The following MDFIC2 variants were observed in gnomAD, a reference collection of about 807,000 sequenced individuals.
MDFIC2 encodes myoD family inhibitor domain-containing protein 2.
chr3:70,207,404 A>G (rs929740458), intron 2 of MDFIC2, among the ~76,000 whole-genome samples: 1 of 152,048 alleles, frequency 6.6e-6, no homozygotes, highest in Non-Finnish European at 1.5e-5. Flanking sequence ...TCTTGGGAAC[A>G]TGCTTTATTT....
At chr3:70,283,994 C>T (rs1051847523) in intron 2 of MDFIC2, 6 of 152,078 alleles carry the variant, frequency 3.9e-5, no homozygotes, top group African/African-American at 1.4e-4. Context: ...TACTGTCATA[C>T]AGAAGGGGTT....
At chr3:70,207,884 A>G (rs1420613800) in intron 2 of MDFIC2, among the ~76,000 whole-genome samples, 1 of 151,998 alleles carries the variant, frequency 6.6e-6, no homozygotes, top group African/African-American at 2.4e-5. Flanking sequence ...GGACAACTGT[A>G]TGCATTCTCC....
At chr3:70,302,720 G>C (rs1702363127) in intron 2 of MDFIC2, 1 of 152,148 alleles carries the variant, frequency 6.6e-6, no homozygotes, top group Non-Finnish European at 1.5e-5. Flanking sequence ...TTGATGTACT[G>C]CCTTATCATC....
chr3:70,287,418 A>T (rs1347285958), intron 2 of MDFIC2, among the ~76,000 whole-genome samples: 1 of 151,616 alleles, frequency 6.6e-6, no homozygotes, highest in Non-Finnish European at 1.5e-5. Flanking sequence ...CCACTTGATC[A>T]TGGTGGATAA....
chr3:70,201,451 T>C (rs1433698214), intron 3 of MDFIC2, among the ~76,000 whole-genome samples: 1 of 152,196 alleles, frequency 6.6e-6, no homozygotes, highest in African/African-American at 2.4e-5. Flanking sequence ...CTATCATTGA[T>C]GGACATTTAG....
intron 2 of MDFIC2, among the ~76,000 whole-genome samples, chr3:70,264,580 C>T (rs1701898489): frequency 6.6e-6 from 1 of 152,194 alleles, no homozygotes; most frequent in South Asian, 2.1e-4. Flanking sequence ...CAAACAGTTG[C>T]TGGCATCAGG....
chr3:70,271,034 A>C (rs1701971548), intron 2 of MDFIC2, among the ~76,000 whole-genome samples: 1 of 152,198 alleles, frequency 6.6e-6, no homozygotes, highest in Admixed American at 6.5e-5. Flanking sequence ...CAAGTATAAT[A>C]ATAAAAAAGA....
At chr3:70,279,576 C>G (rs2106679963) in intron 2 of MDFIC2, among the ~76,000 whole-genome samples, 1 of 152,274 alleles carries the variant, frequency 6.6e-6, no homozygotes, top group African/African-American at 2.4e-5. Context: ...TCTTGATGAG[C>G]TCCCAGTCCA....
chr3:70,218,157 G>A (rs1048850670), intron 2 of MDFIC2, among the ~76,000 whole-genome samples: 1 of 152,234 alleles, frequency 6.6e-6, no homozygotes, highest in African/African-American at 2.4e-5. Context: ...TTAGCCCAGT[G>A]GTCTCCAAAG....
chr3:70,239,291 A>C (rs1701642428), intron 2 of MDFIC2, among the ~76,000 whole-genome samples: 2 of 142,128 alleles, frequency 1.4e-5, no homozygotes, highest in African/African-American at 5.0e-5. Flanking sequence ...AATGGTTTTC[A>C]CAGTTTCTTT....
chr3:70,267,585 T>TTA (rs1559549288), intron 2 of MDFIC2, among the ~76,000 whole-genome samples: 1 of 146,756 alleles, frequency 6.8e-6, no homozygotes, highest in Admixed American at 6.7e-5. Context: ...TGTATTTTTT[T>TTA]TTTTTTTTTT....
chr3:70,196,543 A>C lies in MDFIC2; in HGVS notation c.*383T>G, dbSNP rs1701182718. The stretch of plus-strand genomic sequence containing the variant: ...ACGAGCTAATGTATGTCAATTCTAA[A>C]AGAATGCACTAATTTGTCCTGAATT... On this transcript the variant is annotated 3_prime_UTR_variant, in exon 4 of 4. Transcript: ENST00000567252. Among the ~76,000 whole-genome samples, 1 of 152,218 alleles carries C rather than the reference A, an allele frequency of 6.6e-6. No homozygotes were observed. The highest frequency in any genetic ancestry group is 2.1e-4 in the South Asian group (1 of 4,836).
chr3:70,237,352 A>T (rs550424597), intron 2 of MDFIC2, among the ~76,000 whole-genome samples: 1 of 152,158 alleles, frequency 6.6e-6, no homozygotes, highest in Non-Finnish European at 1.5e-5. Flanking sequence ...TTTATTTCCC[A>T]TCCCTCTCAT....
chr3:70,217,844 T>C (rs983726115), intron 2 of MDFIC2, among the ~76,000 whole-genome samples: 14 of 152,130 alleles, frequency 9.2e-5, no homozygotes, highest in Admixed American at 2.0e-4. Flanking sequence ...GGGGGTGACA[T>C]ACTGTTGGAT....
chr3:70,215,657 G>A (rs1163051877), intron 2 of MDFIC2, among the ~76,000 whole-genome samples: 1 of 152,040 alleles, frequency 6.6e-6, no homozygotes, highest in African/African-American at 2.4e-5. Flanking sequence ...ATAGTACTGT[G>A]ATTAATTTTG....
At chr3:70,279,630 C>T (rs987792128) in intron 2 of MDFIC2, among the ~76,000 whole-genome samples, 8 of 152,242 alleles carry the variant, frequency 5.3e-5, no homozygotes, top group South Asian at 2.1e-4. Context: ...TGCTCTCTTG[C>T]GCTACATGCT....
intron 2 of MDFIC2, among the ~76,000 whole-genome samples, chr3:70,260,037 A>G (rs1002613812): frequency 3.9e-5 from 6 of 152,182 alleles, no homozygotes; most frequent in Admixed American, 3.3e-4. Flanking sequence ...CCCTTGACAC[A>G]TGGGGATTAT....
At chr3:70,311,806 C>T (rs1427823774) in intron 2 of MDFIC2, 80 bp downstream of exon 2, 2 of 393,806 alleles carry the variant, frequency 5.1e-6, no homozygotes, top group African/African-American at 4.1e-5. Context: ...ACAATTTCCT[C>T]CTTCTCCCAC....
rs528929258 is a variant in MDFIC2, at chr3:70,256,016, A to G, written c.89-49226T>C. Among the ~76,000 whole-genome samples the G allele has an allele frequency of 6.6e-5, 10 of 152,346 alleles. No individual in the cohort carries two copies. In the South Asian group the frequency reaches 1.4e-3, roughly 22 times the overall value. ...TTCTCCACTGGCATTGAACCAGTTTATAGGTGTAATAGTACCACCCCAAAT... is the reference window on the plus strand; with the variant it reads ...TTCTCCACTGGCATTGAACCAGTTTGTAGGTGTAATAGTACCACCCCAAAT... On this transcript the variant is annotated intron_variant, in intron 2 of 3. Transcript: ENST00000567252.
Sources: gnomAD v4.1 joint callset for allele counts (sites outside exome capture counted in the v4.1 genomes callset) on GRCh38, gnomAD v4.1.1 for gene constraint, MANE v1.5 for transcripts, NCBI Gene and HGNC (gene_info 2026-07-23, HGNC 2026-07-21) for gene names.